The following APP variants were observed in gnomAD, a reference collection of about 807,000 sequenced individuals.
The protein encoded by APP is amyloid-beta precursor protein.
APP carries 31 observed loss-of-function variants against 101.4 expected under a neutral mutation model. The ratio of observed to expected loss-of-function variants is 0.31; its 90% CI spans 0.23 to 0.41. The LOEUF (loss-of-function observed/expected upper bound fraction) is 0.41, where lower values mean the gene tolerates loss of function less well. APP is among the 10% of genes least tolerant of loss of function. The pLI is 1.00. For missense variants in APP, 839 were observed against 1,003.7 expected, an observed-to-expected ratio of 0.84 and a Z score of 2.22; for synonymous variants, 366 against 364.4, an observed-to-expected ratio of 1.00 and a Z score of -0.05.
intron 2 of APP, among the ~76,000 whole-genome samples, chr21:26,095,244 A>G (rs2061916175): frequency 6.6e-6 from 1 of 152,088 alleles, no homozygotes; most frequent in African/African-American, 2.4e-5. Context: ...CTCCCAAAGT[A>G]CCAGGATTAC....
intron 3 of APP, among the ~76,000 whole-genome samples, chr21:26,064,570 G>A (rs1053307484): frequency 1.3e-5 from 2 of 151,112 alleles, no homozygotes; most frequent in African/African-American, 2.5e-5. Context: ...TTTTACTGGG[G>A]GCTTGCATAC....
chr21:26,065,158 C>G (rs1016929589), intron 3 of APP, among the ~76,000 whole-genome samples: 4 of 152,152 alleles, frequency 2.6e-5, no homozygotes, highest in African/African-American at 9.7e-5. Flanking sequence ...CCGGCCCACT[C>G]CCGGATTTCT....
chr21:26,159,507 A>G (rs184938392), intron 1 of APP, among the ~76,000 whole-genome samples: 4 of 152,342 alleles, frequency 2.6e-5, no homozygotes, highest in African/African-American at 9.6e-5. Context: ...ATATTCAGCT[A>G]AACATTCTGC....
chr21:26,046,518 G>T (rs1207059230), intron 5 of APP, among the ~76,000 whole-genome samples: 1 of 150,236 alleles, frequency 6.7e-6, no homozygotes, highest in Non-Finnish European at 1.5e-5. Flanking sequence ...ATCTTAAGCA[G>T]CTCTTTAAAA....
chr21:26,101,143 A>G (rs1043221775), intron 2 of APP, among the ~76,000 whole-genome samples: 2 of 119,518 alleles, frequency 1.7e-5, no homozygotes, highest in African/African-American at 6.6e-5. Flanking sequence ...CTCTGTCGCC[A>G]GGCTGGAGTG....
chr21:26,049,399 C>T (rs950613789), intron 5 of APP, among the ~76,000 whole-genome samples: 2 of 152,054 alleles, frequency 1.3e-5, no homozygotes, highest in Admixed American at 6.6e-5. Context: ...CAATGGATGA[C>T]GGTGGAGGGG....
At chr21:25,963,490 C>G (rs1026221876) in intron 11 of APP, among the ~76,000 whole-genome samples, 4 of 152,134 alleles carry the variant, frequency 2.6e-5, no homozygotes, top group Non-Finnish European at 5.9e-5. Flanking sequence ...ACTCACTGTA[C>G]GGGAATCACC....
intron 1 of APP, among the ~76,000 whole-genome samples, chr21:26,137,550 A>C (rs995800780): frequency 3.3e-5 from 5 of 152,188 alleles, no homozygotes; most frequent in Non-Finnish European, 4.4e-5. Context: ...TCCTTCATTT[A>C]ACAAAGAAAC....
intron 2 of APP, among the ~76,000 whole-genome samples, chr21:26,104,080 G>T (rs953120842): frequency 1.3e-5 from 2 of 152,136 alleles, no homozygotes; most frequent in Non-Finnish European, 2.9e-5. Context: ...GTCCTTATGT[G>T]ACTTCTTCGT....
At chr21:25,970,532 A>G (rs891165190) in intron 11 of APP, among the ~76,000 whole-genome samples, 1 of 152,210 alleles carries the variant, frequency 6.6e-6, no homozygotes, top group African/African-American at 2.4e-5. Flanking sequence ...CAAAAAAGAG[A>G]GGAACCAAGG....
intron 13 of APP, among the ~76,000 whole-genome samples, chr21:25,949,855 T>A (rs2040987301): frequency 6.6e-6 from 1 of 152,190 alleles, no homozygotes; most frequent in African/African-American, 2.4e-5. Flanking sequence ...ATTTTGGACT[T>A]CTGGCAGGTC....
At chr21:25,910,868 T>C (rs1224314362) in intron 14 of APP, among the ~76,000 whole-genome samples, 1 of 152,264 alleles carries the variant, frequency 6.6e-6, no homozygotes, top group Non-Finnish European at 1.5e-5. Context: ...TGAAATTTCA[T>C]GTAAGAATAA....
intron 11 of APP, among the ~76,000 whole-genome samples, chr21:25,956,464 A>C (rs2041325557): frequency 6.6e-6 from 1 of 152,206 alleles, no homozygotes; most frequent in Non-Finnish European, 1.5e-5. Context: ...CATCCTAATA[A>C]AAACTAAGGA....
intron 1 of APP, among the ~76,000 whole-genome samples, chr21:26,115,284 A>AT (rs1363566710): frequency 1.3e-5 from 2 of 151,158 alleles, no homozygotes; most frequent in East Asian, 3.9e-4. Context: ...TCACAAATAA[A>AT]TATCAACTCA....
chr21:26,157,730 T>C (rs138298887), intron 1 of APP, among the ~76,000 whole-genome samples: 34 of 152,342 alleles, frequency 2.2e-4, no homozygotes, highest in African/African-American at 7.9e-4. Context: ...AATTTTAAAA[T>C]GGCAGTCCCA....
At chr21:25,887,747 C>T (rs188963578) in intron 17 of APP, among the ~76,000 whole-genome samples, 1 of 152,234 alleles carries the variant, frequency 6.6e-6, no homozygotes, top group Admixed American at 6.5e-5. Flanking sequence ...GTATTCAGTG[C>T]AGCAATATGC....
chr21:25,947,239 G>C (rs994102192), intron 13 of APP, among the ~76,000 whole-genome samples: 1 of 152,202 alleles, frequency 6.6e-6, no homozygotes, highest in South Asian at 2.1e-4. Flanking sequence ...AAGAAAAAGA[G>C]AGCTTACCTA....
intron 13 of APP, among the ~76,000 whole-genome samples, chr21:25,914,847 C>G (rs1270902302): frequency 1.3e-5 from 2 of 152,200 alleles, no homozygotes; most frequent in Non-Finnish European, 2.9e-5. Flanking sequence ...GCCACTGCAC[C>G]CGGCTTGATC....
chr21:26,147,707 C>CG (rs2063181054), intron 1 of APP, among the ~76,000 whole-genome samples: 1 of 152,056 alleles, frequency 6.6e-6, no homozygotes, highest in Non-Finnish European at 1.5e-5. Flanking sequence ...CCCATTAAGT[C>CG]GGCCTCAAAG....
Sources: gnomAD v4.1 joint callset for allele counts (sites outside exome capture counted in the v4.1 genomes callset) on GRCh38, gnomAD v4.1.1 for gene constraint, MANE v1.5 for transcripts, NCBI Gene and HGNC (gene_info 2026-07-23, HGNC 2026-07-21) for gene names.